The following DMD variants were observed in gnomAD, a reference collection of about 807,000 sequenced individuals.
The protein encoded by DMD is mutant dystrophin.
Under a neutral mutation model 330.1 loss-of-function variants are expected in DMD, and 63 were observed. The observed-to-expected ratio is 0.19, with a 90% CI of 0.16 to 0.24. DMD has a LOEUF of 0.24. Among genes scored for constraint, DMD ranks in the 10% least tolerant of loss-of-function variants. The pLI is 1.00. For missense variants in DMD, 3,344 were observed against 2,684.1 expected (o/e 1.25, Z -5.43); for synonymous variants, 1,223 against 959.8 (o/e 1.27, Z -5.07).
chrX:31,773,345 C>A (rs1415044012), intron 51 of DMD, among the ~76,000 whole-genome samples: 1 of 112,082 alleles, frequency 8.9e-6, no homozygotes, highest in East Asian at 2.8e-4. Flanking sequence ...ATGGATTACA[C>A]TGAGGCTGAA....
At chrX:31,284,560 C>CTTCTTCTTCTTCTTCTTCTTA (rs2052915008) in intron 62 of DMD, among the ~76,000 whole-genome samples, 2 of 44,849 alleles carry the variant, frequency 4.5e-5, no homozygotes, top group Admixed American at 4.8e-4. Context: ...CGAACTGTTT[C>CTTCTTCTTCTTCTTCTTCTTA]TTCTTCTTCT....
At chrX:33,248,041 T>C (rs150231904) in intron 1 of DMD, among the ~76,000 whole-genome samples, 1,305 of 111,500 alleles carry the variant, frequency 0.012, 22 homozygotes, top group African/African-American at 0.04. Context: ...TATTTATTTA[T>C]TTACTTATTT....
At chrX:31,390,092 G>T (rs1297109634) in intron 60 of DMD, among the ~76,000 whole-genome samples, 7 of 110,679 alleles carry the variant, frequency 6.3e-5, no homozygotes, top group African/African-American at 2.0e-4. Context: ...ATTTGGGAGG[G>T]TGTGGGATTC....
At chrX:32,402,711 T>C (rs748602197) in intron 30 of DMD, among the ~76,000 whole-genome samples, 1 of 111,792 alleles carries the variant, frequency 8.9e-6, no homozygotes, top group South Asian at 3.7e-4. Context: ...AAGAGTTCCA[T>C]TTTATACTAT....
At chrX:32,953,322 T>A (rs2091374239) in intron 2 of DMD, among the ~76,000 whole-genome samples, 1 of 110,956 alleles carries the variant, frequency 9.0e-6, no homozygotes, top group Admixed American at 9.7e-5. Flanking sequence ...AGAGCAAAAC[T>A]ATCAATTTTT....
At chrX:32,488,412 A>C (rs2042683337) in intron 20 of DMD, among the ~76,000 whole-genome samples, 1 of 111,716 alleles carries the variant, frequency 9.0e-6, no homozygotes, top group Non-Finnish European at 1.9e-5. Flanking sequence ...TCTGCCGATC[A>C]TTAGAATATG....
chrX:31,729,354 A>C (rs1245899742), intron 52 of DMD, among the ~76,000 whole-genome samples: 1 of 111,226 alleles, frequency 9.0e-6, no homozygotes, highest in African/African-American at 3.3e-5. Context: ...TTCTGCCACA[A>C]ATGTTCTGCC....
intron 47 of DMD, among the ~76,000 whole-genome samples, chrX:31,916,733 G>A (rs1379259956): frequency 9.0e-6 from 1 of 111,584 alleles, no homozygotes; most frequent in East Asian, 2.8e-4. Flanking sequence ...GAAGATAGTT[G>A]AGAAGAAAGC....
intron 7 of DMD, among the ~76,000 whole-genome samples, chrX:32,705,104 C>T (rs58153708): frequency 0.14 from 16,026 of 111,685 alleles, 2,696 homozygotes; most frequent in African/African-American, 0.48. Context: ...TACATGTATT[C>T]TCTACTTACA....
intron 15 of DMD, among the ~76,000 whole-genome samples, chrX:32,572,610 T>C (rs1057252252): frequency 2.7e-5 from 3 of 109,367 alleles, no homozygotes; most frequent in Non-Finnish European, 3.8e-5. Flanking sequence ...TTCAATGAAG[T>C]CTTTTCTGAA....
intron 2 of DMD, among the ~76,000 whole-genome samples, chrX:32,952,204 G>T (rs2091292811): frequency 9.1e-6 from 1 of 109,798 alleles, no homozygotes; most frequent in Non-Finnish European, 1.9e-5. Context: ...CACAATCGCG[G>T]TTCACTGCAA....
intron 47 of DMD, among the ~76,000 whole-genome samples, chrX:31,893,179 T>A (rs1011018655): frequency 8.9e-6 from 1 of 112,073 alleles, no homozygotes; most frequent in African/African-American, 3.2e-5. Context: ...ACATCAATTT[T>A]TCTTGCCCCC....
At chrX:32,651,425 G>T (rs2060147152) in intron 9 of DMD, among the ~76,000 whole-genome samples, 1 of 112,142 alleles carries the variant, frequency 8.9e-6, no homozygotes, top group Non-Finnish European at 1.9e-5. Context: ...TTACAGGTGT[G>T]AGCCACGGTG....
intron 47 of DMD, among the ~76,000 whole-genome samples, chrX:31,905,656 G>A (rs754015986): frequency 5.4e-5 from 6 of 110,252 alleles, no homozygotes; most frequent in African/African-American, 2.0e-4. Context: ...ATGGGGAAAA[G>A]AGCAAAGGGG....
intron 55 of DMD, among the ~76,000 whole-genome samples, chrX:31,575,083 TA>T (rs1199243417): frequency 3.6e-5 from 4 of 112,008 alleles, no homozygotes; most frequent in Admixed American, 1.9e-4. Context: ...CCTCCTCTTT[TA>T]CAATGCCTGG....
At chrX:32,051,886 G>C (rs1247630690) in intron 44 of DMD, among the ~76,000 whole-genome samples, 4 of 111,217 alleles carry the variant, frequency 3.6e-5, no homozygotes, top group Non-Finnish European at 7.6e-5. Context: ...GGAGATGCAA[G>C]TACACCTTGT....
chrX:33,332,755 TTTTG>T (rs759377591), intron 1 of DMD, among the ~76,000 whole-genome samples: 51 of 111,688 alleles, frequency 4.6e-4, no homozygotes, highest in Non-Finnish European at 8.5e-4. Flanking sequence ...TCTAGGAGCT[TTTTG>T]TTTGCTTTTT....
chrX:31,339,928 A>T (rs2148425707), intron 61 of DMD, among the ~76,000 whole-genome samples: 1 of 112,677 alleles, frequency 8.9e-6, no homozygotes, highest in East Asian at 2.8e-4. Context: ...CCCCACTCAT[A>T]TTTCAAATTG....
At chrX:32,462,685 G>A (rs1445844302) in intron 25 of DMD, among the ~76,000 whole-genome samples, 2 of 110,924 alleles carry the variant, frequency 1.8e-5, no homozygotes, top group Non-Finnish European at 3.8e-5. Flanking sequence ...GCCAGGTGTG[G>A]TAACTCACAC....
Sources: allele counts gnomAD v4.1 joint callset (sites outside exome capture counted in the v4.1 genomes callset), GRCh38; gene constraint gnomAD v4.1.1; transcripts MANE v1.5; gene names NCBI Gene and HGNC (gene_info 2026-07-23, HGNC 2026-07-21).